The following VTI1A variants were observed in gnomAD, a reference collection of about 807,000 sequenced individuals.
VTI1A encodes the protein vesicle transport through interaction with t-SNAREs 1A.
A neutral mutation model predicts 34.9 loss-of-function variants in VTI1A; 22 were observed. The ratio of observed to expected loss-of-function variants is 0.63; its 90% confidence interval spans 0.45 to 0.90. The LOEUF is 0.90. Among genes scored for constraint, VTI1A ranks in the 40% least tolerant of loss-of-function variants. VTI1A has a pLI of 0.00. For missense variants in VTI1A, 268 were observed against 275.6 expected (o/e 0.97, Z 0.20); for synonymous variants, 87 against 97.3 (o/e 0.89, Z 0.62).
intron 3 of VTI1A, among the ~76,000 whole-genome samples, chr10:112,526,381 A>T (rs548262777): frequency 2.4e-4 from 36 of 152,180 alleles, no homozygotes; most frequent in African/African-American, 8.4e-4. Context: ...ACTTGCCTTT[A>T]TTTACTGTGA....
At chr10:112,700,857 G>C (rs115330472) in intron 7 of VTI1A, among the ~76,000 whole-genome samples, 2,728 of 152,272 alleles carry the variant, frequency 0.018, 81 homozygotes, top group African/African-American at 0.062. Context: ...AGTTTCATCT[G>C]TTCCACCACT....
chr10:112,610,506 ATAT>A (rs1564847430), intron 5 of VTI1A, among the ~76,000 whole-genome samples: 1 of 152,212 alleles, frequency 6.6e-6, no homozygotes, highest in Non-Finnish European at 1.5e-5. Context: ...GTTGACTCTA[ATAT>A]TATGACCTAA....
chr10:112,702,116 G>A (rs1849029716), intron 7 of VTI1A, among the ~76,000 whole-genome samples: 1 of 152,172 alleles, frequency 6.6e-6, no homozygotes, highest in Non-Finnish European at 1.5e-5. Flanking sequence ...GGGTAGGGCT[G>A]TGGGGTGCAG....
At chr10:112,566,230 T>G (rs1851899238) in intron 5 of VTI1A, among the ~76,000 whole-genome samples, 1 of 152,142 alleles carries the variant, frequency 6.6e-6, no homozygotes, top group African/African-American at 2.4e-5. Flanking sequence ...ACACTGCATT[T>G]TAATGTTTTA....
intron 7 of VTI1A, among the ~76,000 whole-genome samples, chr10:112,786,734 C>T (rs1272018437): frequency 6.6e-6 from 1 of 152,154 alleles, no homozygotes. Flanking sequence ...TCATGTGTCA[C>T]ATTAATTGAT....
chr10:112,842,734 A>G, the VTI1A span, among the ~76,000 whole-genome samples: 3 of 152,208 alleles, frequency 2.0e-5, no homozygotes, highest in Non-Finnish European at 4.4e-5. Context: ...ACGGGGAGCA[A>G]ATGCAGCAAG....
chr10:112,845,104 GGA>G, the VTI1A span, among the ~76,000 whole-genome samples: 1 of 152,188 alleles, frequency 6.6e-6, no homozygotes, highest in Non-Finnish European at 1.5e-5. Flanking sequence ...ATTCCCTGGC[GGA>G]GAGAAAGGGC....
intron 4 of VTI1A, among the ~76,000 whole-genome samples, chr10:112,535,646 C>T (rs1850591765): frequency 6.6e-6 from 1 of 152,116 alleles, no homozygotes; most frequent in Non-Finnish European, 1.5e-5. Context: ...TTGCGCAGCT[C>T]CTCACACAAG....
chr10:112,726,803 T>A (rs1461226164), intron 7 of VTI1A, among the ~76,000 whole-genome samples: 2 of 152,152 alleles, frequency 1.3e-5, no homozygotes, highest in Non-Finnish European at 2.9e-5. Context: ...ACTGGCTTGT[T>A]GGAGGCTGCA....
rs559879190 is a variant in VTI1A, at chr10:112,474,325, T to G, written c.264+9668T>G. 2.6e-5 allele frequency among the ~76,000 whole-genome samples: 4 copies of G among 152,298 alleles called. No individual in the cohort carries two copies. The East Asian group carries it at 5.8e-4, about 22-fold the overall frequency. ...TCCTTGGCCTCCCAAAGTGCTGGGA[T>G]TACAGGCGTGAGCCACCACGCCCGG... On this transcript the variant is annotated intron_variant, in intron 3 of 7. Transcript: ENST00000393077.
intron 3 of VTI1A, among the ~76,000 whole-genome samples, chr10:112,518,050 A>G (rs1454349235): frequency 6.6e-6 from 1 of 152,116 alleles, no homozygotes; most frequent in Non-Finnish European, 1.5e-5. Context: ...AAACAATCAT[A>G]AAATAAAAAT....
intron 1 of VTI1A, 81 bp downstream of exon 1, chr10:112,447,548 T>C (rs1053616811): frequency 2.6e-5 from 39 of 1,497,132 alleles, no homozygotes; most frequent in East Asian, 4.8e-5. Context: ...CGAGTAAGTG[T>C]GTCTATGAGG....
At chr10:112,797,639 G>T (rs1460795121) in intron 7 of VTI1A, among the ~76,000 whole-genome samples, 1 of 152,176 alleles carries the variant, frequency 6.6e-6, no homozygotes, top group Non-Finnish European at 1.5e-5. Flanking sequence ...AATTTTTGGG[G>T]ATAGGAGGGA....
chr10:112,784,375 A>C (rs983494843), intron 7 of VTI1A, among the ~76,000 whole-genome samples: 3 of 152,232 alleles, frequency 2.0e-5, no homozygotes, highest in African/African-American at 4.8e-5. Flanking sequence ...GAAATTGCCT[A>C]TATGATAGGG....
intron 3 of VTI1A, among the ~76,000 whole-genome samples, chr10:112,480,198 A>G (rs1589813775): frequency 7.4e-6 from 1 of 135,270 alleles, no homozygotes; most frequent in Admixed American, 7.4e-5. Context: ...GGCTCTCATT[A>G]GTAAAACAAA....
At chr10:112,474,163 G>A (rs1848199086) in intron 3 of VTI1A, among the ~76,000 whole-genome samples, 1 of 152,004 alleles carries the variant, frequency 6.6e-6, no homozygotes, top group Non-Finnish European at 1.5e-5. Flanking sequence ...CCGGGCTCAT[G>A]CCATTCTCCT....
intron 5 of VTI1A, among the ~76,000 whole-genome samples, chr10:112,634,522 C>G (rs1297186471): frequency 3.9e-5 from 5 of 128,356 alleles, no homozygotes; most frequent in African/African-American, 1.6e-4. Context: ...CATACACACA[C>G]ACACACACAC....
At chr10:112,642,584 G>A (rs1455654352) in intron 5 of VTI1A, among the ~76,000 whole-genome samples, 3 of 149,160 alleles carry the variant, frequency 2.0e-5, no homozygotes, top group East Asian at 2.0e-4. Flanking sequence ...ACATATATAC[G>A]TATACACTCA....
chr10:112,663,780 C>T (rs562583938), intron 5 of VTI1A, among the ~76,000 whole-genome samples: 1 of 152,294 alleles, frequency 6.6e-6, no homozygotes, highest in South Asian at 2.1e-4. Context: ...TGAAGCAGCA[C>T]GTTTTCTACC....
Sources: allele counts gnomAD v4.1 joint callset (sites outside exome capture counted in the v4.1 genomes callset), GRCh38; gene constraint gnomAD v4.1.1; transcripts MANE v1.5; gene names NCBI Gene and HGNC (gene_info 2026-07-23, HGNC 2026-07-21).